The following RAP1GAP variants were observed in gnomAD, a reference collection of about 807,000 sequenced individuals.
RAP1GAP encodes the protein RAP1 GTPase activating protein, also known as rap1 GTPase-activating protein 1.
In RAP1GAP, 35 loss-of-function variants were observed where a neutral mutation model predicts 87.2. That is an observed-to-expected ratio of 0.40 (90% CI 0.31 to 0.53). The LOEUF (loss-of-function observed/expected upper bound fraction) is 0.53, where lower values mean the gene tolerates loss of function less well. Ranked by LOEUF, RAP1GAP falls within the 20% of genes least tolerant of loss-of-function variation. The probability of loss-of-function intolerance (pLI) is 0.48; values close to 1 mark genes in which losing one functional copy is unlikely to be tolerated. For missense variants in RAP1GAP, 734 were observed against 898.9 expected (o/e 0.82, Z 2.35); for synonymous variants, 375 against 363.9 (o/e 1.03, Z -0.35).
intron 17 of RAP1GAP, among the ~76,000 whole-genome samples, chr1:21,606,409 A>C (rs1434827538): frequency 6.6e-6 from 1 of 152,224 alleles, no homozygotes; most frequent in Non-Finnish European, 1.5e-5. Flanking sequence ...AAGCAGGTAC[A>C]TACGGGGCCT....
At chr1:21,599,968 G>A (rs546183357) in intron 20 of RAP1GAP, among the ~76,000 whole-genome samples, 2 of 152,186 alleles carry the variant, frequency 1.3e-5, no homozygotes, top group African/African-American at 4.8e-5. Flanking sequence ...TCTGCACCGG[G>A]CACTGCTCTA....
At chr1:21,661,277 C>T (rs1409617795) in intron 1 of RAP1GAP, among the ~76,000 whole-genome samples, 4 of 151,000 alleles carry the variant, frequency 2.6e-5, no homozygotes, top group African/African-American at 7.3e-5. Context: ...AGGAGGGAGA[C>T]GCAGCCATTC....
In RAP1GAP at chr1:21,603,691, G is replaced by C; in HGVS notation, c.1429-778C>G. The stretch of plus-strand genomic sequence containing the variant: ...AAAGCAGGTGCTGAGTGCCATCGGA[G>C]CTGCCGCCACTCCATCCCGCACGCC... On this transcript the variant is annotated intron_variant, in intron 18 of 24. Transcript: ENST00000374765. This position sits in a 1 kb window ranked among gnomAD's most constrained non-coding sequence, Gnocchi z 6.0. 1 of 889,916 alleles carries C rather than the reference G, an allele frequency of 1.1e-6. No individual in the cohort carries two copies. The highest frequency in any genetic ancestry group is 1.9e-6 in the Non-Finnish European group (1 of 531,620). The allele number at this position is 889,916 out of a possible 1,614,324, so 55.1% of individuals were successfully genotyped here.
At chr1:21,651,412 G>A (rs1178407954) in intron 1 of RAP1GAP, 7 of 550,426 alleles carry the variant, frequency 1.3e-5, no homozygotes, top group South Asian at 2.8e-5. Flanking sequence ...GAGCAGTTGC[G>A]CACACACGCA....
intron 1 of RAP1GAP, among the ~76,000 whole-genome samples, chr1:21,656,089 C>A (rs534854151): frequency 5.3e-4 from 81 of 152,316 alleles, no homozygotes; most frequent in African/African-American, 1.7e-3. Context: ...CCTCGCTGGG[C>A]CTCAGTTTGC....
chr1:21,615,511 C>G lies in RAP1GAP; in HGVS notation c.292-1422G>C, dbSNP rs1362987910. 2.0e-5 allele frequency among the ~76,000 whole-genome samples: 3 copies of G among 152,164 alleles called. No individual in the cohort carries two copies. The highest frequency in any genetic ancestry group is 2.9e-5 in the Non-Finnish European group (2 of 68,034). On this transcript the variant is annotated intron_variant, in intron 7 of 24. Coordinates refer to ENST00000374765, the MANE Select transcript of RAP1GAP (RefSeq NM_002885.4). This position sits in a 1 kb window ranked among gnomAD's most constrained non-coding sequence, Gnocchi z 4.5. ...GGTTCAAGCGATTCTCCTGCCTCAG[C>G]CTCCTGAGTAGCTGGGATTACAGGC...
chr1:21,632,385 TC>T, intron 2 of RAP1GAP, among the ~76,000 whole-genome samples: 1 of 152,310 alleles, frequency 6.6e-6, no homozygotes, highest in South Asian at 2.1e-4. Context: ...TCAAAAGCCT[TC>T]TTTATCTGCT....
At chr1:21,604,334 G>C (rs933974524) in intron 18 of RAP1GAP, among the ~76,000 whole-genome samples, 3 of 124,700 alleles carry the variant, frequency 2.4e-5, no homozygotes. Context: ...AGGGAAGGAG[G>C]AGAGGGAGCA....
intron 15 of RAP1GAP, 40 bp from the exon 16 acceptor site, chr1:21,608,976 T>C (rs935320552): frequency 7.8e-6 from 12 of 1,534,440 alleles, no homozygotes; most frequent in Non-Finnish European, 9.0e-6. Flanking sequence ...GAAGGGAAGT[T>C]GAGATGACAC....
At chr1:21,659,916 G>C (rs368423909) in intron 1 of RAP1GAP, among the ~76,000 whole-genome samples, 2 of 152,138 alleles carry the variant, frequency 1.3e-5, no homozygotes, top group African/African-American at 2.4e-5. Context: ...CTTGCCTAAG[G>C]ATCAGTGGAT....
At chr1:21,660,771 C>G (rs1465091688) in intron 1 of RAP1GAP, among the ~76,000 whole-genome samples, 3 of 152,174 alleles carry the variant, frequency 2.0e-5, no homozygotes, top group Non-Finnish European at 2.9e-5. Flanking sequence ...GTGCCTTGTG[C>G]TCACGAACGG....
At chr1:21,651,409 T>C in intron 1 of RAP1GAP, 1 of 548,698 alleles carries the variant, frequency 1.8e-6, no homozygotes, top group South Asian at 1.4e-5. Flanking sequence ...TGTGAGCAGT[T>C]GCGCACACAC....
intron 4 of RAP1GAP, among the ~76,000 whole-genome samples, chr1:21,619,601 G>C (rs1454080079): frequency 6.6e-6 from 1 of 152,000 alleles, no homozygotes; most frequent in Non-Finnish European, 1.5e-5. Context: ...GAGGGTGGAG[G>C]GGTAATACCT....
chr1:21,614,530 T>G (rs947333), intron 7 of RAP1GAP, among the ~76,000 whole-genome samples: 1 of 152,110 alleles, frequency 6.6e-6, no homozygotes, highest in Non-Finnish European at 1.5e-5. Flanking sequence ...CAAAAGCTGA[T>G]TGCCCAACCT....
chr1:21,601,760 C>T lies in RAP1GAP; in HGVS notation c.1576G>A (p.Gly526Arg), dbSNP rs780147474. Reference protein sequence around the residue: ...PPAGQKTPDSGHVSQEPKSEN... With the variant: ...PPAGQKTPDSRHVSQEPKSEN... Reference sequence around the variant, plus strand: ...GACTTGGGCTCCTGTGAGACGTGCCCGCTGTCTGGGGTCTTCTGACCAGCC... The same window carrying T: ...GACTTGGGCTCCTGTGAGACGTGCCTGCTGTCTGGGGTCTTCTGACCAGCC... The change falls in exon 20 of 25, where the codon GGG becomes AGG. Residue 526 changes from glycine to arginine, a missense_variant. Gly to Arg is a moderately radical substitution (Grantham distance 125). Coordinates refer to ENST00000374765, the MANE Select transcript of RAP1GAP (RefSeq NM_002885.4). 1.5e-5 allele frequency: 24 copies of T among 1,611,174 alleles called. No homozygotes were observed. Among genetic ancestry groups the T allele is most frequent in the East Asian group, 2.2e-5 (1 of 44,830 alleles).
At position 21,606,162 on chromosome 1, in the gene RAP1GAP, G is replaced by C; in HGVS notation, c.1332C>G (p.Ala444=). Residue 444 remains alanine, a synonymous_variant, in exon 18 of 25, where the codon GCC becomes GCG. Coordinates refer to ENST00000374765, the MANE Select transcript of RAP1GAP (RefSeq NM_002885.4). The part of the protein sequence containing the change: ...VIRSRSQSMD[A]MGLSNKKPNT... ...TGGGCTTCTTGTTGCTCAGCCCCATGGCATCCATGGACTGGCTGCGGCTCC... is the reference window on the plus strand; with the variant it reads ...TGGGCTTCTTGTTGCTCAGCCCCATCGCATCCATGGACTGGCTGCGGCTCC... The C allele has an allele frequency of 6.3e-7, 1 of 1,585,634 alleles. No homozygotes were observed.
chr1:21,639,429 A>G (rs1350888370), intron 2 of RAP1GAP, among the ~76,000 whole-genome samples: 1 of 152,208 alleles, frequency 6.6e-6, no homozygotes, highest in Non-Finnish European at 1.5e-5. Context: ...GCCAGAGAAC[A>G]AGACCTGAAA....
intron 13 of RAP1GAP, 41 bp from the exon 14 acceptor site, chr1:21,610,316 G>A (rs772556982): frequency 1.4e-5 from 23 of 1,607,702 alleles, no homozygotes; most frequent in African/African-American, 9.4e-5. Flanking sequence ...TGGCCAGAGG[G>A]GGCCCATGGG....
At position 21,604,023 on chromosome 1, in the gene RAP1GAP, G is replaced by A. The variant is rs147009650; in HGVS notation, c.1429-1110C>T. Reference sequence around the variant, plus strand: ...AGAGGAGGAGAGGCAGGGAAAGGAGGAAGACAGACAGAAAAAGGAAGAGAA... The same window carrying A: ...AGAGGAGGAGAGGCAGGGAAAGGAGAAAGACAGACAGAAAAAGGAAGAGAA... On this transcript the variant is annotated intron_variant, in intron 18 of 24. Coordinates refer to ENST00000374765, the MANE Select transcript of RAP1GAP (RefSeq NM_002885.4). The A allele has an allele frequency of 2.5e-5, 21 of 855,218 alleles. No individual in the cohort carries two copies. In the African/African-American group the frequency reaches 3.6e-4, roughly 15 times the overall value. The allele number at this position is 855,218 out of a possible 1,614,324, so 53.0% of individuals were successfully genotyped here. A position where few individuals can be genotyped will look rare whatever the true frequency, so the allele number is the denominator to read the frequency against.
Sources: gnomAD v4.1 joint callset for allele counts (sites outside exome capture counted in the v4.1 genomes callset) on GRCh38, gnomAD v4.1.1 for gene constraint, Gnocchi (gnomAD v3.1) non-coding constraint, MANE v1.5 for transcripts, NCBI Gene and HGNC (gene_info 2026-07-23, HGNC 2026-07-21) for gene names.